The following ANO4 variants were observed in gnomAD, a reference collection of about 807,000 sequenced individuals.
ANO4 encodes anoctamin 4.
In ANO4, 69 loss-of-function variants were observed where a neutral mutation model predicts 141.9. The ratio of observed to expected loss-of-function variants is 0.49; its 90% CI spans 0.40 to 0.59. ANO4 has a LOEUF of 0.59. Ranked by LOEUF, ANO4 falls within the 20% of genes least tolerant of loss-of-function variation. The probability of loss-of-function intolerance (pLI) is 0.00; values close to 1 mark genes in which losing one functional copy is unlikely to be tolerated. For synonymous variants in ANO4, 350 were observed against 394.3 expected (o/e 0.89, Z 1.33); for missense variants, 894 against 1,162.2 (o/e 0.77, Z 3.36).
At chr12:100,976,470 A>T (rs773283450) in intron 7 of ANO4, among the ~76,000 whole-genome samples, 1 of 152,242 alleles carries the variant, frequency 6.6e-6, no homozygotes, top group Non-Finnish European at 1.5e-5. Context: ...GTCACACTGT[A>T]ATCATCTGTA....
intron 3 of ANO4, among the ~76,000 whole-genome samples, chr12:100,924,391 A>G (rs1444138728): frequency 3.3e-5 from 5 of 152,130 alleles, no homozygotes; most frequent in African/African-American, 1.2e-4. Flanking sequence ...GATGATAATA[A>G]TGGAGACCAG....
Position 101,040,017 on chromosome 12 carries a change from C to T in ANO4, c.960C>T (p.Leu320=), listed in dbSNP as rs1187302685. The change falls in exon 11 of 28, where the codon CTC becomes CTT. Residue 320 remains leucine (L), a synonymous_variant. Coordinates refer to ENST00000392977, the MANE Select transcript of ANO4 (RefSeq NM_001286615.2). ...GAGCAGAAAACCACCGACATCTACT[C>T]TATGAGTGCTGGGCCTCCTGGGGCG... ...THGAENHRHL[L]YECWASWGVW... The T allele has an allele frequency of 1.9e-6, 3 of 1,613,644 alleles. No homozygotes were observed. The highest frequency in any genetic ancestry group is 1.7e-5 in the Admixed American group (1 of 60,016).
intron 1 of ANO4, among the ~76,000 whole-genome samples, chr12:100,871,032 T>C (rs966388666): frequency 1.3e-5 from 2 of 152,336 alleles, no homozygotes; most frequent in Middle Eastern, 3.4e-3. Context: ...CTTATACCTC[T>C]TAACATCACT....
intron 3 of ANO4, among the ~76,000 whole-genome samples, chr12:100,771,698 T>C (rs888174360): frequency 2.0e-5 from 3 of 152,132 alleles, no homozygotes; most frequent in Admixed American, 2.0e-4. Flanking sequence ...TCTTCAAAGT[T>C]TTCCCTACCC....
intron 3 of ANO4, among the ~76,000 whole-genome samples, chr12:100,745,747 A>T (rs567819999): frequency 6.6e-6 from 1 of 152,330 alleles, no homozygotes; most frequent in African/African-American, 2.4e-5. Context: ...AGGAATATTT[A>T]AAAAGGCAAT....
chr12:100,964,616 C>G (rs2043571159), intron 5 of ANO4, among the ~76,000 whole-genome samples: 1 of 152,166 alleles, frequency 6.6e-6, no homozygotes, highest in Non-Finnish European at 1.5e-5. Context: ...GGATACAGAG[C>G]AGATGCAAGT....
chr12:100,734,204 T>A (rs1363607763), intron 2 of ANO4, among the ~76,000 whole-genome samples: 2 of 152,254 alleles, frequency 1.3e-5, no homozygotes, highest in South Asian at 4.1e-4. Context: ...TATTAATCTA[T>A]TTTTAAAAGA....
At chr12:100,806,523 CGTTTTTTTTTTTTTTTTTTTTT>C (rs2035044193) in intron 1 of ANO4, among the ~76,000 whole-genome samples, 1 of 44,956 alleles carries the variant, frequency 2.2e-5, no homozygotes, top group Non-Finnish European at 4.4e-5. Flanking sequence ...TTTTTTGTTT[CGTTTTTTTTTTTTTTTTTTTTT>C]TTTTTTTTTT....
chr12:101,070,911 T>C (rs575610739), intron 14 of ANO4, among the ~76,000 whole-genome samples: 1 of 152,298 alleles, frequency 6.6e-6, no homozygotes, highest in Admixed American at 6.5e-5. Context: ...AACAGGCATA[T>C]GAAAAGGTGC....
At chr12:100,853,876 T>C (rs894800888) in intron 1 of ANO4, among the ~76,000 whole-genome samples, 3 of 152,172 alleles carry the variant, frequency 2.0e-5, no homozygotes, top group Non-Finnish European at 2.9e-5. Flanking sequence ...ATTTTACTTA[T>C]ACCTGCTTTT....
At chr12:100,802,895 G>GT (rs1053261498) in intron 1 of ANO4, among the ~76,000 whole-genome samples, 29 of 152,090 alleles carry the variant, frequency 1.9e-4, no homozygotes, top group African/African-American at 6.8e-4. Context: ...TCCACTCATT[G>GT]TTTTTAGCTG....
At chr12:100,868,445 C>G (rs779577405) in intron 1 of ANO4, among the ~76,000 whole-genome samples, 2 of 152,260 alleles carry the variant, frequency 1.3e-5, no homozygotes, top group African/African-American at 4.8e-5. Flanking sequence ...TATTTAGTCA[C>G]CACCACAGAT....
intron 1 of ANO4, 26 bp from the exon 2 acceptor site, chr12:100,901,620 T>G: frequency 8.2e-6 from 6 of 734,974 alleles, no homozygotes; most frequent in African/African-American, 1.7e-5. Context: ...ACTTCTTCAG[T>G]CTAATGGTGC....
rs1593379234 is a variant in ANO4, at chr12:100,806,523, C to CTTTTTTTTTTTTTTT, written c.-141+11496_-141+11497insTTTTTTTTTTTTTTT. On this transcript the variant is annotated intron_variant, in intron 1 of 27. Coordinates refer to ENST00000392977, the MANE Select transcript of ANO4 (RefSeq NM_001286615.2). ...TTTTTAGGAGGTTTTTTTTTTGTTT[C>CTTTTTTTTTTTTTTT]GTTTTTTTTTTTTTTTTTTTTTTTT... Among the ~76,000 whole-genome samples, 233 of 44,958 alleles carry CTTTTTTTTTTTTTTT rather than the reference C, an allele frequency of 5.2e-3. 68 individuals are homozygous for CTTTTTTTTTTTTTTT. The highest frequency in any genetic ancestry group is 5.7e-3 in the Non-Finnish European group (128 of 22,612). 29.5% of individuals were successfully genotyped at this position (44,958 alleles called of 152,430 possible).
chr12:101,043,749 T>A, intron 13 of ANO4, 114 bp downstream of exon 13: 2 of 726,120 alleles, frequency 2.8e-6, no homozygotes, highest in Non-Finnish European at 4.7e-6. Flanking sequence ...GTGAATGTTG[T>A]AGGATAGACT....
At chr12:100,973,259 C>G (rs2044008625) in intron 6 of ANO4, among the ~76,000 whole-genome samples, 1 of 152,196 alleles carries the variant, frequency 6.6e-6, no homozygotes, top group South Asian at 2.1e-4. Flanking sequence ...TAACTCTAGT[C>G]TAAGGAGATA....
intron 1 of ANO4, among the ~76,000 whole-genome samples, chr12:100,815,783 A>G (rs1161795748): frequency 6.6e-6 from 1 of 151,774 alleles, no homozygotes; most frequent in Non-Finnish European, 1.5e-5. Context: ...GTGTGTGTGA[A>G]TTTATGCATA....
intron 2 of ANO4, chr12:100,733,881 T>C (rs1405121682): frequency 1.2e-5 from 8 of 678,954 alleles, no homozygotes; most frequent in Admixed American, 2.2e-5. Flanking sequence ...TCATTTTGAT[T>C]TTTTTAAAAA....
rs181729402 is a variant in ANO4, at chr12:100,849,615, G to A, written c.-140-52031G>A. ...ATTGTTTCAAAGTATTCCACTCTAT[G>A]GATATATTCCAATTCATTTTACTAG... On this transcript the variant is annotated intron_variant, in intron 1 of 27. Transcript: ENST00000392977. Among the ~76,000 whole-genome samples the A allele has an allele frequency of 5.3e-5, 8 of 152,172 alleles. No individual in the cohort carries two copies. The East Asian group carries it at 1.4e-3, about 26-fold the overall frequency.
Sources: gnomAD v4.1 joint callset for allele counts (sites outside exome capture counted in the v4.1 genomes callset) on GRCh38, gnomAD v4.1.1 for gene constraint, MANE v1.5 for transcripts, NCBI Gene and HGNC (gene_info 2026-07-23, HGNC 2026-07-21) for gene names.